HOMER2: variants seen among roughly 807,000 people sequenced by gnomAD.
HOMER2 encodes homer scaffold protein 2.
HOMER2 carries 27 observed loss-of-function variants against 47.0 expected under a neutral mutation model. That is an observed-to-expected ratio of 0.57 (90% CI 0.42 to 0.79). HOMER2 has a LOEUF of 0.79. HOMER2 is among the 30% of genes least tolerant of loss of function. The pLI is 0.00. For missense variants in HOMER2, 443 were observed against 435.0 expected, an observed-to-expected ratio of 1.02 and a Z score of -0.16; for synonymous variants, 161 against 163.8, an observed-to-expected ratio of 0.98 and a Z score of 0.13.
intron 1 of HOMER2, among the ~76,000 whole-genome samples, chr15:82,927,973 C>CAAA (rs928406358): frequency 1.4e-4 from 8 of 57,320 alleles, no homozygotes; most frequent in African/African-American, 3.4e-4. Context: ...AACTCCGTCT[C>CAAA]AAAAAAAAAA....
intron 1 of HOMER2, among the ~76,000 whole-genome samples, chr15:82,950,073 G>A (rs555834069): frequency 6.6e-6 from 1 of 152,300 alleles, no homozygotes; most frequent in East Asian, 1.9e-4. Context: ...AGGCAGGTAG[G>A]AGAAGGTAGC....
At chr15:82,917,051 C>T (rs1189807431) in intron 1 of HOMER2, among the ~76,000 whole-genome samples, 7 of 152,172 alleles carry the variant, frequency 4.6e-5, no homozygotes, top group African/African-American at 1.2e-4. Context: ...TCGCCTGCCT[C>T]GGCCTCTCAA....
chr15:82,848,389 T>C (rs1251766373), downstream of HOMER2, among the ~76,000 whole-genome samples: 1 of 152,100 alleles, frequency 6.6e-6, no homozygotes, highest in Non-Finnish European at 1.5e-5. Context: ...TAGAGATGTG[T>C]GGGGCCAGGG....
At chr15:82,953,930 G>A (rs1186733280), upstream of HOMER2, among the ~76,000 whole-genome samples, 1 of 151,816 alleles carries the variant, frequency 6.6e-6, no homozygotes, top group Non-Finnish European at 1.5e-5. Flanking sequence ...GCCGGGTGTG[G>A]TGGCGTGCTC....
At chr15:82,922,426 C>T (rs905110810) in intron 1 of HOMER2, among the ~76,000 whole-genome samples, 1 of 152,230 alleles carries the variant, frequency 6.6e-6, no homozygotes, top group Non-Finnish European at 1.5e-5. Flanking sequence ...GTAAAGCCTG[C>T]ATGATACCTC....
intron 1 of HOMER2, among the ~76,000 whole-genome samples, chr15:82,944,740 GT>G (rs1010742326): frequency 2.4e-4 from 35 of 146,148 alleles, no homozygotes; most frequent in East Asian, 4.0e-4. Flanking sequence ...TTTGCCCACG[GT>G]TTTTTTTTTT....
At chr15:82,859,366 A>T (rs1195181447) in intron 4 of HOMER2, among the ~76,000 whole-genome samples, 1 of 152,148 alleles carries the variant, frequency 6.6e-6, no homozygotes, top group Non-Finnish European at 1.5e-5. Context: ...GACTATCATG[A>T]CCAAAGAAAA....
rs545906965 is a variant in HOMER2, at chr15:82,866,262, T to C, written c.295-2003A>G. Among the ~76,000 whole-genome samples the C allele has an allele frequency of 2.0e-5, 3 of 152,366 alleles. No homozygotes were observed. The East Asian group carries it at 5.8e-4, about 29-fold the overall frequency. On this transcript the variant is annotated intron_variant, in intron 3 of 8. Transcript: ENST00000450735. ...TCATTTTGCAACTTTAAGATTTGAC[T>C]GCCCTGCTGGATTTTGGACTTGCAT... is the stretch of plus-strand genomic sequence containing the variant.
At chr15:82,983,857 G>A (rs1172474811) in intron 1 of HOMER2, among the ~76,000 whole-genome samples, 6 of 151,968 alleles carry the variant, frequency 3.9e-5, no homozygotes, top group Non-Finnish European at 7.4e-5. Context: ...CTCTCAAAGT[G>A]CAGGGATTAC....
intron 2 of HOMER2, among the ~76,000 whole-genome samples, chr15:82,878,558 C>T (rs2052424755): frequency 1.3e-5 from 2 of 152,200 alleles, no homozygotes; most frequent in Admixed American, 1.3e-4. Flanking sequence ...TCATTCTCTC[C>T]ATGAATATTG....
intron 1 of HOMER2, among the ~76,000 whole-genome samples, chr15:82,902,484 C>CT (rs1267680430): frequency 1.3e-5 from 2 of 152,200 alleles, no homozygotes; most frequent in African/African-American, 2.4e-5. Flanking sequence ...GCATGAGCCA[C>CT]TGTGCCCAGC....
chr15:82,839,973 A>G (rs1286281697), exon 2 of HOMER2: 1 of 152,232 alleles, frequency 6.6e-6, no homozygotes, highest in Non-Finnish European at 1.5e-5. Flanking sequence ...GAAGTTTGTA[A>G]GAAATGCTAA....
intron 1 of HOMER2, among the ~76,000 whole-genome samples, chr15:82,919,610 C>T (rs983963939): frequency 3.3e-5 from 5 of 152,314 alleles, no homozygotes; most frequent in Admixed American, 6.5e-5. Context: ...TTAATTGGAA[C>T]GTCCAGTACC....
chr15:82,864,365 G>T, intron 3 of HOMER2, 106 bp from the exon 4 acceptor site: 1 of 660,618 alleles, frequency 1.5e-6, no homozygotes, highest in Non-Finnish European at 2.6e-6. Flanking sequence ...CATACATTCT[G>T]TATAAATCCA....
At chr15:82,940,246 T>G (rs193302092) in intron 1 of HOMER2, among the ~76,000 whole-genome samples, 24 of 152,248 alleles carry the variant, frequency 1.6e-4, no homozygotes, top group African/African-American at 5.3e-4. Flanking sequence ...ATGGGGAGGT[T>G]GTTGTGAGAG....
At chr15:82,859,469 G>A (rs567242379) in intron 4 of HOMER2, among the ~76,000 whole-genome samples, 119 of 152,262 alleles carry the variant, frequency 7.8e-4, no homozygotes, top group Middle Eastern at 3.4e-3. Context: ...TTTTACTTAC[G>A]CCTTATGGAG....
intron 1 of HOMER2, among the ~76,000 whole-genome samples, chr15:82,932,295 G>A (rs889849091): frequency 5.3e-5 from 8 of 152,192 alleles, no homozygotes; most frequent in Admixed American, 6.5e-5. Flanking sequence ...AGGAGTTTGC[G>A]ACTAGCATGG....
At chr15:82,967,530 G>T (rs1293108814) in intron 1 of HOMER2, among the ~76,000 whole-genome samples, 1 of 151,980 alleles carries the variant, frequency 6.6e-6, no homozygotes, top group Non-Finnish European at 1.5e-5. Flanking sequence ...GGTATGTGAT[G>T]GTTTATTATG....
chr15:82,849,792 G>C lies in HOMER2; in HGVS notation c.955C>G (p.Leu319Val). ...TCAATCTTCCCGTCCAGCACCTCCA[G>C]GAAGCTCTTCAACTCCACCTTCAGG... ...RHLKVELKSFLEVLDGKIDDL... is the reference protein window; with the variant it reads ...RHLKVELKSFVEVLDGKIDDL... Residue 319 changes from leucine to valine, a missense_variant, in exon 9 of 9, where the codon CTG becomes GTG. Physicochemically the swap from Leu to Val is conservative, Grantham distance 32. Transcript: ENST00000450735. The C allele has an allele frequency of 6.2e-7, 1 of 1,613,972 alleles. No individual in the cohort carries two copies. The highest frequency in any genetic ancestry group is 8.5e-7 in the Non-Finnish European group (1 of 1,179,886).
Sources: allele counts gnomAD v4.1 joint callset (sites outside exome capture counted in the v4.1 genomes callset), GRCh38; gene constraint gnomAD v4.1.1; transcripts MANE v1.5; gene names NCBI Gene and HGNC (gene_info 2026-07-23, HGNC 2026-07-21).